Variants in ARHGEF33 observed in about 807,000 individuals in gnomAD.
The protein encoded by ARHGEF33 is DH and coiled-coil domain-containing protein ENSP00000381780.
A neutral mutation model predicts 101.9 loss-of-function variants in ARHGEF33; 72 were observed. That is an observed-to-expected ratio of 0.71 (90% CI 0.58 to 0.86). The LOEUF is 0.86. Ranked by LOEUF, ARHGEF33 falls within the 40% of genes least tolerant of loss-of-function variation. ARHGEF33 has a pLI of 0.00. For missense variants in ARHGEF33, 1,169 were observed against 1,111.3 expected (o/e 1.05, Z -0.74); for synonymous variants, 499 against 442.5 (o/e 1.13, Z -1.60).
At chr2:38,890,233 T>G (rs1197206764) in intron 1 of ARHGEF33, among the ~76,000 whole-genome samples, 1 of 152,204 alleles carries the variant, frequency 6.6e-6, no homozygotes, top group Non-Finnish European at 1.5e-5. Flanking sequence ...ATCGATAAAC[T>G]GGAGACTGAA....
chr2:38,935,174 A>G (rs1667101736), intron 7 of ARHGEF33, among the ~76,000 whole-genome samples: 2 of 151,958 alleles, frequency 1.3e-5, no homozygotes, highest in East Asian at 1.9e-4. Context: ...CAGAGAAGTG[A>G]TAGGGTCTGG....
intron 7 of ARHGEF33, among the ~76,000 whole-genome samples, chr2:38,933,692 C>G (rs1341514652): frequency 1.3e-5 from 2 of 152,144 alleles, no homozygotes; most frequent in East Asian, 1.9e-4. Flanking sequence ...TTTTTATAAC[C>G]TAATCTTAGA....
At chr2:38,903,329 G>A (rs887419430) in intron 2 of ARHGEF33, among the ~76,000 whole-genome samples, 2 of 152,008 alleles carry the variant, frequency 1.3e-5, no homozygotes, top group African/African-American at 4.8e-5. Context: ...TATATCACAC[G>A]CTAAAGGAAG....
chr2:38,943,831 A>C, intron 9 of ARHGEF33, 70 bp from the exon 10 acceptor site: 2 of 1,435,068 alleles, frequency 1.4e-6, no homozygotes, highest in Non-Finnish European at 1.9e-6. Flanking sequence ...TATCACTTTT[A>C]TTGCTTGCAT....
At chr2:38,892,976 C>T (rs1470597865) in intron 1 of ARHGEF33, among the ~76,000 whole-genome samples, 2 of 152,250 alleles carry the variant, frequency 1.3e-5, no homozygotes, top group East Asian at 1.9e-4. Flanking sequence ...TCTTGTTATA[C>T]CTCTGCTTAA....
intron 12 of ARHGEF33, 129 bp downstream of exon 12, chr2:38,953,374 T>A: frequency 1.6e-6 from 1 of 627,936 alleles, no homozygotes; most frequent in South Asian, 1.9e-5. Context: ...ACACAGCCAC[T>A]AATACCACTA....
At chr2:38,942,688 C>T (rs1047865371) in intron 9 of ARHGEF33, among the ~76,000 whole-genome samples, 1 of 151,792 alleles carries the variant, frequency 6.6e-6, no homozygotes, top group Non-Finnish European at 1.5e-5. Context: ...TCTTTTGTAT[C>T]CTGCATTGTC....
chr2:38,903,462 A>C (rs1666295587), intron 2 of ARHGEF33, among the ~76,000 whole-genome samples: 1 of 152,052 alleles, frequency 6.6e-6, no homozygotes, highest in African/African-American at 2.4e-5. Flanking sequence ...GCTCATTCAA[A>C]GCCCATCACA....
intron 1 of ARHGEF33, among the ~76,000 whole-genome samples, chr2:38,890,632 A>G (rs1665975250): frequency 6.6e-6 from 1 of 152,228 alleles, no homozygotes; most frequent in Non-Finnish European, 1.5e-5. Context: ...TATAATTAGT[A>G]TTGGAATTAT....
chr2:38,960,356 C>A lies in ARHGEF33; in HGVS notation c.2051C>A (p.Ala684Glu). The part of the protein sequence containing the change: ...QPLPKSATSP[A>E]GSSSAYKLEA... ...CTGCCCAAGAGCGCTACGTCGCCGG[C>A]GGGCAGCAGCAGCGCCTACAAACTG... The change falls in exon 16 of 18, where the codon GCG (alanine) becomes GAG (glutamate). Residue 684 changes from alanine to glutamate, a missense_variant. Coordinates refer to ENST00000409978, the MANE Select transcript of ARHGEF33 (RefSeq NM_001145451.5). The A allele has an allele frequency of 6.5e-7, 1 of 1,530,148 alleles. No individual in the cohort carries two copies. Among genetic ancestry groups the A allele is most frequent in the Non-Finnish European group, 8.8e-7 (1 of 1,142,476 alleles). 94.8% of individuals were successfully genotyped at this position (1,530,148 alleles called of 1,614,324 possible).
intron 1 of ARHGEF33, among the ~76,000 whole-genome samples, chr2:38,891,441 C>T (rs1665995087): frequency 6.6e-6 from 1 of 151,922 alleles, no homozygotes; most frequent in African/African-American, 2.4e-5. Flanking sequence ...CAGTTCTTAA[C>T]CTTTTCGGTG....
intron 2 of ARHGEF33, among the ~76,000 whole-genome samples, chr2:38,906,665 C>T (rs912847908): frequency 2.6e-5 from 4 of 151,992 alleles, no homozygotes; most frequent in Middle Eastern, 3.4e-3. Context: ...TGATAATAAT[C>T]GGTTATAAGA....
intron 2 of ARHGEF33, among the ~76,000 whole-genome samples, chr2:38,900,406 GA>G (rs1338248409): frequency 6.6e-6 from 1 of 152,186 alleles, no homozygotes; most frequent in African/African-American, 2.4e-5. Context: ...TTGAGGGATA[GA>G]AGATGGGAGG....
At chr2:38,969,262 C>A (rs1241026318) in intron 17 of ARHGEF33, 3 of 164,506 alleles carry the variant, frequency 1.8e-5, no homozygotes, top group Admixed American at 1.3e-4. Context: ...GTACTGGAAC[C>A]ATTGCAGAGC....
intron 8 of ARHGEF33, among the ~76,000 whole-genome samples, chr2:38,936,571 A>G (rs969857761): frequency 6.6e-6 from 1 of 152,240 alleles, no homozygotes; most frequent in Non-Finnish European, 1.5e-5. Flanking sequence ...TAGAGGATGT[A>G]TAGACCAGAA....
rs904072884 is a variant in ARHGEF33 at position 38,960,045 on chromosome 2, C to T, written c.1740C>T (p.Phe580=). ...TGCAGGCCATCCCGGAGATGGACTT[C>T]GAGTCCTCTCCGGCGGAGCCGCTGG... ...GPLQAIPEMD[F]ESSPAEPLGN... The change falls in exon 16 of 18, where the codon TTC becomes TTT. Residue 580 remains phenylalanine, a synonymous_variant. Coordinates refer to ENST00000409978, the MANE Select transcript of ARHGEF33 (RefSeq NM_001145451.5). 1.9e-6 allele frequency: 3 copies of T among 1,544,120 alleles called. No homozygotes were observed. The highest frequency in any genetic ancestry group is 2.6e-6 in the Non-Finnish European group (3 of 1,143,184).
At chr2:38,897,745 G>A (rs923391092) in intron 2 of ARHGEF33, among the ~76,000 whole-genome samples, 4 of 152,130 alleles carry the variant, frequency 2.6e-5, no homozygotes, top group Admixed American at 2.6e-4. Flanking sequence ...CCACAGCACA[G>A]AAAAACAGGG....
At chr2:38,959,665 C>A in intron 15 of ARHGEF33, 176 bp from the exon 16 acceptor site, 1 of 666,264 alleles carries the variant, frequency 1.5e-6, no homozygotes, top group South Asian at 2.3e-5. Flanking sequence ...ACTGCCTTGT[C>A]CACTCTCCGC....
Position 38,960,632 on chromosome 2 carries a change from A to G in ARHGEF33, c.2327A>G (p.Tyr776Cys), listed in dbSNP as rs1167327433. The change falls in exon 16 of 18, where the codon TAT becomes TGT. Residue 776 changes from tyrosine to cysteine, a missense_variant. Coordinates refer to ENST00000409978, the MANE Select transcript of ARHGEF33 (RefSeq NM_001145451.5). ...QQRSQSEKQT[Y>C]LEVRREMHLE... is the part of the protein sequence containing the mutation. The stretch of plus-strand genomic sequence containing the variant: ...AGGTCCCAAAGCGAAAAACAGACCT[A>G]TTTGGAAGTAAGGAGGGTAAAGTAA... The G allele has an allele frequency of 7.1e-7, 1 of 1,404,760 alleles. No individual in the cohort carries two copies. Among genetic ancestry groups the G allele is most frequent in the East Asian group, 3.9e-5 (1 of 25,790 alleles). The allele number at this position is 1,404,760 out of a possible 1,614,324, so 87.0% of individuals were successfully genotyped here. A position where few individuals can be genotyped will look rare whatever the true frequency, so the allele number is the denominator to read the frequency against.
Sources: allele counts gnomAD v4.1 joint callset (sites outside exome capture counted in the v4.1 genomes callset), GRCh38; gene constraint gnomAD v4.1.1; transcripts MANE v1.5; gene names NCBI Gene and HGNC (gene_info 2026-07-23, HGNC 2026-07-21).